The following SLC2A9 variants were observed in gnomAD, a reference collection of about 807,000 sequenced individuals.
The protein encoded by SLC2A9 is solute carrier family 2 member 9.
In SLC2A9, 39 loss-of-function variants were observed where a neutral mutation model predicts 50.6. That is an observed-to-expected ratio of 0.77 (90% confidence interval 0.60 to 1.01). The LOEUF is 1.01. SLC2A9 is among the 50% of genes least tolerant of loss of function. SLC2A9 has a pLI of 0.00. For missense variants in SLC2A9, 686 were observed against 677.6 expected, an observed-to-expected ratio of 1.01 and a Z score of -0.14; for synonymous variants, 324 against 276.9, an observed-to-expected ratio of 1.17 and a Z score of -1.69.
At chr4:9,854,843 C>A in intron 10 of SLC2A9, among the ~76,000 whole-genome samples, 1 of 152,204 alleles carries the variant, frequency 6.6e-6, no homozygotes, top group East Asian at 1.9e-4. Flanking sequence ...ATCACATAAA[C>A]AAAAGTAAAA....
intron 8 of SLC2A9, among the ~76,000 whole-genome samples, chr4:9,906,561 T>C (rs56123633): frequency 0.22 from 33,360 of 152,190 alleles, 4,280 homozygotes; most frequent in Non-Finnish European, 0.29. Context: ...GAAATATACA[T>C]CTATGCATAG....
At chr4:9,772,716 A>G (rs1167031859) in intron 1 of SLC2A9, among the ~76,000 whole-genome samples, 1 of 152,216 alleles carries the variant, frequency 6.6e-6, no homozygotes, top group Non-Finnish European at 1.5e-5. Context: ...ATTGCTGTAA[A>G]AAAAACTTGA....
intron 6 of SLC2A9, among the ~76,000 whole-genome samples, chr4:9,940,755 AT>A (rs1365653677): frequency 6.6e-6 from 1 of 152,242 alleles, no homozygotes; most frequent in African/African-American, 2.4e-5. Context: ...CTAGACAAAT[AT>A]AGGTAATTGT....
intron 3 of SLC2A9, among the ~76,000 whole-genome samples, chr4:9,996,499 G>A (rs1758693694): frequency 6.6e-6 from 1 of 152,154 alleles, no homozygotes; most frequent in Non-Finnish European, 1.5e-5. Flanking sequence ...AGGAGGGAGG[G>A]GTCAGGGCAT....
At chr4:10,030,828 C>A (rs564922834) in intron 1 of SLC2A9, among the ~76,000 whole-genome samples, 3 of 152,304 alleles carry the variant, frequency 2.0e-5, no homozygotes, top group Non-Finnish European at 2.9e-5. Context: ...CACCAGGCCG[C>A]TTTGCATGTG....
chr4:9,983,492 G>A (rs1298518507), intron 4 of SLC2A9, among the ~76,000 whole-genome samples: 1 of 152,192 alleles, frequency 6.6e-6, no homozygotes, highest in African/African-American at 2.4e-5. Context: ...GGCCCAGGGT[G>A]GGAAGCCAAG....
intron 1 of SLC2A9, among the ~76,000 whole-genome samples, chr4:9,773,386 G>C (rs1335147890): frequency 1.3e-5 from 2 of 152,202 alleles, no homozygotes; most frequent in Non-Finnish European, 2.9e-5. Flanking sequence ...ACAGAGTTGA[G>C]TCTTTTGATA....
At chr4:9,804,835 C>T (rs1264091644) in intron 3 of SLC2A9, among the ~76,000 whole-genome samples, 1 of 152,170 alleles carries the variant, frequency 6.6e-6, no homozygotes, top group African/African-American at 2.4e-5. Context: ...CTCATGACAG[C>T]AGAACCCAGG....
chr4:9,786,431 G>A (rs1719227201), intron 3 of SLC2A9, among the ~76,000 whole-genome samples: 1 of 152,190 alleles, frequency 6.6e-6, no homozygotes, highest in Non-Finnish European at 1.5e-5. Context: ...CTAGTGCACA[G>A]ATCAGGACAT....
downstream of SLC2A9, among the ~76,000 whole-genome samples, chr4:9,778,036 TTTTC>T (rs200906590): frequency 0.025 from 3,426 of 139,754 alleles, 286 homozygotes; most frequent in East Asian, 0.051. Flanking sequence ...TCTACTTCTA[TTTTC>T]TTTCTTTCTT....
At chr4:9,774,691 T>C (rs1717306449) in intron 1 of SLC2A9, among the ~76,000 whole-genome samples, 1 of 152,016 alleles carries the variant, frequency 6.6e-6, no homozygotes, top group Non-Finnish European at 1.5e-5. Flanking sequence ...TCCAAAGAAA[T>C]CATTTTCTCT....
intron 10 of SLC2A9, among the ~76,000 whole-genome samples, chr4:9,869,015 G>C (rs1304216156): frequency 6.6e-6 from 1 of 152,106 alleles, no homozygotes; most frequent in Non-Finnish European, 1.5e-5. Flanking sequence ...CAGGCTCCCT[G>C]ATGTTTTTAT....
At chr4:9,899,666 G>A (rs963706340) in intron 8 of SLC2A9, among the ~76,000 whole-genome samples, 4 of 152,186 alleles carry the variant, frequency 2.6e-5, no homozygotes, top group South Asian at 2.1e-4. Flanking sequence ...AAAAGGTATC[G>A]GTGTATCTGT....
At position 9,810,039 on chromosome 4, in the gene SLC2A9, C is replaced by A. The variant is rs552475059; in HGVS notation, n.421-10798G>T. Among the ~76,000 whole-genome samples, 140 of 152,242 alleles carry A rather than the reference C, an allele frequency of 9.2e-4. 1 individual carries two copies. Among genetic ancestry groups the A allele is most frequent in the African/African-American group, 3.3e-3 (137 of 41,550 alleles). ...ATCCAATCTAAAGTCACAATCCAGA[C>A]ACTTCTAGCACATCACCATGTTCTA... On this transcript the variant is annotated intron_variant and non_coding_transcript_variant, in intron 3 of 3. Transcript: ENST00000503280.
intron 3 of SLC2A9, among the ~76,000 whole-genome samples, chr4:9,986,214 C>T (rs1467638900): frequency 6.6e-6 from 1 of 152,156 alleles, no homozygotes. Flanking sequence ...AAAAGGAAGA[C>T]CTCTGAAGAA....
chr4:9,995,705 C>T (rs1387999775), intron 3 of SLC2A9: 1 of 152,228 alleles, frequency 6.6e-6, no homozygotes, highest in African/African-American at 2.4e-5. Flanking sequence ...TATTCAGCTA[C>T]AACTCATGGC....
chr4:9,881,851 T>C (rs1735272047), intron 10 of SLC2A9, among the ~76,000 whole-genome samples: 1 of 152,198 alleles, frequency 6.6e-6, no homozygotes, highest in Non-Finnish European at 1.5e-5. Flanking sequence ...GATGCCTTAA[T>C]TCTAATTCAT....
chr4:9,945,778 T>C (rs1749039404), intron 5 of SLC2A9, among the ~76,000 whole-genome samples: 1 of 152,140 alleles, frequency 6.6e-6, no homozygotes, highest in African/African-American at 2.4e-5. Flanking sequence ...AACACAGAGC[T>C]GAGGCCTCAG....
intron 2 of SLC2A9, among the ~76,000 whole-genome samples, chr4:10,008,691 A>T (rs771225804): frequency 3.6e-4 from 55 of 152,292 alleles, no homozygotes; most frequent in Admixed American, 1.5e-3. Context: ...CTCTGGATGG[A>T]GTCTGGGTTT....
Sources: allele counts gnomAD v4.1 joint callset (sites outside exome capture counted in the v4.1 genomes callset), GRCh38; gene constraint gnomAD v4.1.1; transcripts MANE v1.5; gene names NCBI Gene and HGNC (gene_info 2026-07-23, HGNC 2026-07-21).